Variants in SHCBP1L observed in about 807,000 individuals in gnomAD.
SHCBP1L encodes SHC binding and spindle associated 1 like.
In SHCBP1L, 67 loss-of-function variants were observed where a neutral mutation model predicts 62.5. The observed-to-expected ratio is 1.07, with a 90% CI of 0.88 to 1.31. The LOEUF (loss-of-function observed/expected upper bound fraction) is 1.31, where lower values mean the gene tolerates loss of function less well. Ranked by LOEUF, SHCBP1L falls within the 40% of genes most tolerant of loss-of-function variation. The probability of loss-of-function intolerance (pLI) is 0.00; values close to 1 mark genes in which losing one functional copy is unlikely to be tolerated. For synonymous variants in SHCBP1L, 284 were observed against 289.4 expected, an observed-to-expected ratio of 0.98 and a Z score of 0.19; for missense variants, 823 against 809.8, an observed-to-expected ratio of 1.02 and a Z score of -0.20.
At chr1:182,901,430 C>T (rs1374479779) in intron 9 of SHCBP1L, among the ~76,000 whole-genome samples, 1 of 152,132 alleles carries the variant, frequency 6.6e-6, no homozygotes, top group Non-Finnish European at 1.5e-5. Flanking sequence ...ACACTCCAGC[C>T]TGGGCAACAA....
At chr1:182,931,796 C>T (rs1651004606) in intron 5 of SHCBP1L, among the ~76,000 whole-genome samples, 1 of 152,102 alleles carries the variant, frequency 6.6e-6, no homozygotes. Flanking sequence ...TAGTTTACAT[C>T]AGAGTTGACT....
chr1:182,924,801 G>GAGAGAGAGAAAGA (rs1650660392), intron 6 of SHCBP1L, among the ~76,000 whole-genome samples: 1 of 111,662 alleles, frequency 9.0e-6, no homozygotes, highest in Admixed American at 9.1e-5. Context: ...AGAAAGAAAG[G>GAGAGAGAGAAAGA]AAGGAAGGAA....
intron 9 of SHCBP1L, among the ~76,000 whole-genome samples, chr1:182,901,532 A>G (rs1649836815): frequency 6.6e-6 from 1 of 152,232 alleles, no homozygotes; most frequent in African/African-American, 2.4e-5. Flanking sequence ...GAACACAAAC[A>G]AAGCCAGTGT....
At chr1:182,931,502 A>G (rs1295498206) in intron 5 of SHCBP1L, among the ~76,000 whole-genome samples, 1 of 152,212 alleles carries the variant, frequency 6.6e-6, no homozygotes, top group African/African-American at 2.4e-5. Flanking sequence ...AAAAATTTCC[A>G]TCATACTGGT....
chr1:182,901,513 A>C (rs570879806), intron 9 of SHCBP1L, among the ~76,000 whole-genome samples: 13 of 152,182 alleles, frequency 8.5e-5, no homozygotes, highest in Non-Finnish European at 1.8e-4. Context: ...CAAGGTTAAT[A>C]ATTTCTGGGA....
intron 6 of SHCBP1L, among the ~76,000 whole-genome samples, chr1:182,924,696 GAAAGGAAGAAAGAAAGAAAGA>G (rs1392098674): frequency 5.2e-5 from 4 of 77,006 alleles, no homozygotes; most frequent in East Asian, 3.0e-4. Context: ...GAAAGGAAAG[GAAAGGAAGAAAGAAAGAAAGA>G]AAGAAAGAAA....
At chr1:182,913,379 G>A (rs549569151) in intron 6 of SHCBP1L, among the ~76,000 whole-genome samples, 1 of 152,270 alleles carries the variant, frequency 6.6e-6, no homozygotes, top group South Asian at 2.1e-4. Context: ...AAATAGAATT[G>A]TAGGACACCC....
At chr1:182,939,577 A>C in intron 3 of SHCBP1L, 24 bp from the exon 4 acceptor site, 1 of 1,545,290 alleles carries the variant, frequency 6.5e-7, no homozygotes, top group South Asian at 1.2e-5. Context: ...AATTAAGATG[A>C]CAGTAATCAA....
At chr1:182,924,977 A>AGAAAGAAAGAAAGAAAG (rs1553245973) in intron 6 of SHCBP1L, among the ~76,000 whole-genome samples, 3 of 140,530 alleles carry the variant, frequency 2.1e-5, no homozygotes, top group Non-Finnish European at 4.6e-5. Flanking sequence ...AAAGAAAGAA[A>AGAAAGAAAGAAAGAAAG]AAAAAAGGAA....
chr1:182,902,946 G>A (rs1425465947), intron 9 of SHCBP1L, 93 bp downstream of exon 9: 3 of 928,782 alleles, frequency 3.2e-6, no homozygotes, highest in Admixed American at 5.8e-5. Flanking sequence ...ATGATAATAT[G>A]TAGACTGCCT....
chr1:182,932,864 A>G (rs528703089), intron 5 of SHCBP1L, among the ~76,000 whole-genome samples: 2 of 151,972 alleles, frequency 1.3e-5, no homozygotes, highest in South Asian at 4.2e-4. Context: ...CACTCAGCCT[A>G]TTTTTGAGAT....
intron 6 of SHCBP1L, among the ~76,000 whole-genome samples, chr1:182,927,113 T>C (rs905046045): frequency 2.3e-4 from 23 of 98,746 alleles, no homozygotes; most frequent in African/African-American, 8.4e-4. Context: ...TATATATATA[T>C]ACTCTCTCTC....
At chr1:182,922,928 T>C (rs1293739856) in intron 6 of SHCBP1L, among the ~76,000 whole-genome samples, 2 of 152,080 alleles carry the variant, frequency 1.3e-5, no homozygotes, top group Non-Finnish European at 2.9e-5. Context: ...ATTTGAGATG[T>C]GAAAAACCAT....
intron 2 of SHCBP1L, among the ~76,000 whole-genome samples, chr1:182,940,848 C>T (rs1367586885): frequency 1.3e-5 from 2 of 151,668 alleles, no homozygotes; most frequent in African/African-American, 4.8e-5. Flanking sequence ...GTGTGTGTGA[C>T]ACACACACAT....
chr1:182,902,955 C>A, intron 9 of SHCBP1L, 84 bp downstream of exon 9: 1 of 1,090,388 alleles, frequency 9.2e-7, no homozygotes, highest in East Asian at 2.7e-5. Flanking sequence ...TGTAGACTGC[C>A]TTTTAAGACT....
chr1:182,906,498 C>G (rs55660828), intron 6 of SHCBP1L, among the ~76,000 whole-genome samples: 2 of 151,142 alleles, frequency 1.3e-5, no homozygotes, highest in Admixed American at 1.3e-4. Flanking sequence ...ATGGCACGAT[C>G]TCAGCTCACT....
chr1:182,907,565 A>ATTC (rs1553244318), intron 6 of SHCBP1L, among the ~76,000 whole-genome samples: 9 of 149,956 alleles, frequency 6.0e-5, no homozygotes, highest in African/African-American at 2.0e-4. Context: ...TCTTATTCTT[A>ATTC]TTATTATTAT....
chr1:182,932,553 G>A (rs58774412), intron 5 of SHCBP1L, among the ~76,000 whole-genome samples: 3,386 of 152,026 alleles, frequency 0.022, 122 homozygotes, highest in African/African-American at 0.077. Context: ...CAATCTCAGC[G>A]GCACGATCTC....
chr1:182,918,682 A>G (rs1650434333), intron 6 of SHCBP1L, among the ~76,000 whole-genome samples: 1 of 152,174 alleles, frequency 6.6e-6, no homozygotes, highest in Admixed American at 6.5e-5. Context: ...ATGAATTGCA[A>G]GGGACCCTGA....
Sources: gnomAD v4.1 joint callset for allele counts (sites outside exome capture counted in the v4.1 genomes callset) on GRCh38, gnomAD v4.1.1 for gene constraint, MANE v1.5 for transcripts, NCBI Gene and HGNC (gene_info 2026-07-23, HGNC 2026-07-21) for gene names.